EML5: variants seen among roughly 807,000 people sequenced by gnomAD.
The protein encoded by EML5 is echinoderm microtubule-associated protein-like 5.
EML5 carries 120 observed loss-of-function variants against 250.0 expected under a neutral mutation model. The observed-to-expected ratio is 0.48, with a 90% confidence interval of 0.41 to 0.56. The LOEUF (loss-of-function observed/expected upper bound fraction) is 0.56. EML5 is among the 20% of genes least tolerant of loss of function. The pLI, the probability that EML5 is intolerant of heterozygous loss-of-function variation, is 0.00. For synonymous variants in EML5, 771 were observed against 806.5 expected, an observed-to-expected ratio of 0.96 and a Z score of 0.75; for missense variants, 2,006 against 2,437.6, an observed-to-expected ratio of 0.82 and a Z score of 3.73.
intron 8 of EML5, among the ~76,000 whole-genome samples, chr14:88,724,585 C>T (rs945719307): frequency 1.3e-5 from 2 of 152,090 alleles, no homozygotes; most frequent in South Asian, 2.1e-4. Context: ...AAAATCACTA[C>T]TTTTGAATGT....
chr14:88,661,452 G>C lies in EML5; in HGVS notation c.3675+202C>G, dbSNP rs149503683. 2.9e-3 allele frequency among the ~76,000 whole-genome samples: 445 copies of C among 152,124 alleles called. 3 individuals are homozygous for C. The highest frequency in any genetic ancestry group is 0.01 in the African/African-American group (431 of 41,474). On this transcript the variant is annotated intron_variant, in intron 25 of 43. Transcript: ENST00000554922. The stretch of plus-strand genomic sequence containing the variant: ...TAGTCAATATTGAAAAACACTATAG[G>C]ATATGATATATAACTTAATGTATGG...
chr14:88,712,589 C>A, intron 9 of EML5, 106 bp from the exon 10 acceptor site: 1 of 824,262 alleles, frequency 1.2e-6, no homozygotes, highest in South Asian at 2.3e-5. Context: ...TGTATCTTCC[C>A]ACCCCACTTA....
intron 11 of EML5, 194 bp from the exon 12 acceptor site, chr14:88,705,782 C>A (rs772992748): frequency 1.5e-5 from 10 of 665,668 alleles, no homozygotes; most frequent in Non-Finnish European, 2.7e-5. Context: ...CCACTCACTG[C>A]AAACTCAATA....
intron 7 of EML5, among the ~76,000 whole-genome samples, chr14:88,729,618 G>A (rs1021657080): frequency 6.6e-6 from 1 of 150,578 alleles, no homozygotes; most frequent in Non-Finnish European, 1.5e-5. Flanking sequence ...CTGTAGTGCT[G>A]GCGCAATCTT....
intron 9 of EML5, among the ~76,000 whole-genome samples, chr14:88,714,338 T>C (rs1278278658): frequency 6.6e-6 from 1 of 152,138 alleles, no homozygotes; most frequent in Non-Finnish European, 1.5e-5. Context: ...GCAGTTTTAA[T>C]TAAGAACCAA....
At chr14:88,663,406 G>C (rs919980638) in intron 23 of EML5, among the ~76,000 whole-genome samples, 3 of 151,986 alleles carry the variant, frequency 2.0e-5, no homozygotes, top group Non-Finnish European at 4.4e-5. Context: ...ATTTTTTAAA[G>C]TGTATCTGTT....
At chr14:88,773,742 A>G (rs2094418703) in intron 1 of EML5, among the ~76,000 whole-genome samples, 1 of 152,198 alleles carries the variant, frequency 6.6e-6, no homozygotes. Flanking sequence ...CTTTCTATTA[A>G]GCAGCCAGGG....
intron 10 of EML5, among the ~76,000 whole-genome samples, chr14:88,710,327 G>A (rs1291385196): frequency 6.6e-6 from 1 of 152,156 alleles, no homozygotes; most frequent in African/African-American, 2.4e-5. Context: ...CAATTACAAT[G>A]ATTCTATAAC....
rs2094622045 is a variant in EML5 at position 88,792,553 on chromosome 14, A to AGGC, written c.-53_-51dup. On this transcript the variant is annotated 5_prime_UTR_variant, in exon 1 of 44. Coordinates refer to ENST00000554922, the MANE Select transcript of EML5 (RefSeq NM_183387.3). The surrounding 1 kb of genome is among the most constrained non-coding windows in gnomAD (Gnocchi z 6.9). ...CGCTCGGGCCCGCGGCGGCGACGGG[A>AGGC]GGCGGCGGCGGCCCGGCAACGAAAG... The AGGC allele has an allele frequency of 9.0e-6, 11 of 1,215,806 alleles. No individual in the cohort carries two copies. Among genetic ancestry groups the AGGC allele is most frequent in the Admixed American group, 4.5e-5 (1 of 22,202 alleles). The allele number at this position is 1,215,806 out of a possible 1,614,324, so 75.3% of individuals were successfully genotyped here. A position where few individuals can be genotyped will look rare whatever the true frequency, so the allele number is the denominator to read the frequency against.
intron 14 of EML5, among the ~76,000 whole-genome samples, chr14:88,700,268 CAA>C (rs1273745120): frequency 1.3e-5 from 2 of 152,074 alleles, no homozygotes; most frequent in Non-Finnish European, 2.9e-5. Context: ...CTCCAAAAGA[CAA>C]AACTCTCTAG....
chr14:88,765,458 C>G lies in EML5; in HGVS notation c.198-10787G>C, dbSNP rs200299305. Among the ~76,000 whole-genome samples, 10 of 152,252 alleles carry G rather than the reference C, an allele frequency of 6.6e-5. No homozygotes were observed. The East Asian group carries it at 1.9e-3, about 29-fold the overall frequency. ...ACCACCTCCATCTTCCAATCAGCAACGGCACATTGAGTTCTTCTCAAGCTT... is the reference window on the plus strand; with the variant it reads ...ACCACCTCCATCTTCCAATCAGCAAGGGCACATTGAGTTCTTCTCAAGCTT... On this transcript the variant is annotated intron_variant, in intron 1 of 43. Transcript: ENST00000554922.
intron 7 of EML5, among the ~76,000 whole-genome samples, chr14:88,731,094 A>G (rs2093749476): frequency 1.3e-5 from 2 of 152,040 alleles, no homozygotes; most frequent in Non-Finnish European, 2.9e-5. Flanking sequence ...TATGCTTTGA[A>G]GTTCTAGGGT....
At chr14:88,781,369 CT>C (rs2094495946) in intron 1 of EML5, among the ~76,000 whole-genome samples, 1 of 152,092 alleles carries the variant, frequency 6.6e-6, no homozygotes, top group African/African-American at 2.4e-5. Flanking sequence ...AATTTTGGTT[CT>C]CAAATGTAAT....
chr14:88,657,500 A>T lies in EML5; in HGVS notation c.3880T>A (p.Tyr1294Asn), dbSNP rs781527296. 6.3e-7 allele frequency: 1 copy of T among 1,594,538 alleles called. No individual in the cohort carries two copies. Among genetic ancestry groups the T allele is most frequent in the South Asian group, 1.2e-5 (1 of 86,298 alleles). Residue 1294 changes from tyrosine to asparagine, a missense_variant and splice_region_variant, in exon 27 of 44, where the codon TAT becomes AAT. By Grantham distance (143) the Tyr-to-Asn change is moderately radical. Transcript: ENST00000554922. The stretch of plus-strand genomic sequence containing the variant: ...TTCTCCCTTGTAACATCACTGTCAT[A>T]GCCTACAATAAAAATATACGAGTAA... ...SDIDSEEDGG[Y>N]DSDVTRENEI...
intron 15 of EML5, among the ~76,000 whole-genome samples, chr14:88,696,238 A>G (rs76322603): frequency 0.023 from 3,545 of 151,964 alleles, 135 homozygotes; most frequent in African/African-American, 0.082. Flanking sequence ...AGAGCAGCAA[A>G]AGCATTAATT....
At chr14:88,759,932 GTTC>G (rs941885083) in intron 1 of EML5, among the ~76,000 whole-genome samples, 21 of 152,204 alleles carry the variant, frequency 1.4e-4, no homozygotes, top group African/African-American at 4.8e-4. Flanking sequence ...TAGTGTCAGT[GTTC>G]TTAATTTGAA....
chr14:88,651,154 CT>C (rs869045980), intron 27 of EML5, among the ~76,000 whole-genome samples: 41,715 of 93,314 alleles, frequency 0.45, 8,473 homozygotes, highest in East Asian at 0.84. Context: ...TTGTCATTTT[CT>C]TTTTTTTTTT....
intron 7 of EML5, 62 bp from the exon 8 acceptor site, chr14:88,726,740 T>C: frequency 7.9e-7 from 1 of 1,265,378 alleles, no homozygotes; most frequent in Non-Finnish European, 1.1e-6. Flanking sequence ...TAAAAATATT[T>C]TGGTTAAAAT....
At chr14:88,723,655 A>G (rs999840052) in intron 8 of EML5, among the ~76,000 whole-genome samples, 1 of 152,238 alleles carries the variant, frequency 6.6e-6, no homozygotes, top group Non-Finnish European at 1.5e-5. Flanking sequence ...AACTAGCTTG[A>G]TGTAATCATT....
Sources: allele counts gnomAD v4.1 joint callset (sites outside exome capture counted in the v4.1 genomes callset), GRCh38; gene constraint gnomAD v4.1.1; non-coding constraint Gnocchi (gnomAD v3.1); transcripts MANE v1.5; gene names NCBI Gene and HGNC (gene_info 2026-07-23, HGNC 2026-07-21).